The following PTPRR variants were observed in gnomAD, a reference collection of about 807,000 sequenced individuals.
The protein encoded by PTPRR is protein tyrosine phosphatase receptor type R, also known as receptor-type tyrosine-protein phosphatase R.
A neutral mutation model predicts 77.2 loss-of-function variants in PTPRR; 38 were observed. The observed-to-expected ratio is 0.49, with a 90% CI of 0.38 to 0.65. The LOEUF (loss-of-function observed/expected upper bound fraction) is 0.65. PTPRR is among the 30% of genes least tolerant of loss of function. The pLI is 0.00. For missense variants in PTPRR, 744 were observed against 799.2 expected (o/e 0.93, Z 0.83); for synonymous variants, 299 against 283.1 (o/e 1.06, Z -0.57).
At chr12:70,882,404 G>A (rs544331113) in intron 2 of PTPRR, among the ~76,000 whole-genome samples, 4 of 152,086 alleles carry the variant, frequency 2.6e-5, no homozygotes, top group Non-Finnish European at 5.9e-5. Context: ...GCTTCCCAGA[G>A]GATATAGAAC....
chr12:70,763,702 A>C (rs1431472996), intron 3 of PTPRR, among the ~76,000 whole-genome samples: 2 of 152,206 alleles, frequency 1.3e-5, no homozygotes, highest in Admixed American at 1.3e-4. Context: ...GGCTGGGGGA[A>C]CATGGAGTCC....
intron 6 of PTPRR, among the ~76,000 whole-genome samples, chr12:70,724,513 GTTT>G (rs1164393740): frequency 6.6e-6 from 1 of 152,166 alleles, no homozygotes; most frequent in Admixed American, 6.6e-5. Flanking sequence ...TATTATTAAT[GTTT>G]TTTATTACTA....
At chr12:70,660,154 G>C (rs1333885777) in intron 12 of PTPRR, among the ~76,000 whole-genome samples, 1 of 147,060 alleles carries the variant, frequency 6.8e-6, no homozygotes, top group Non-Finnish European at 1.5e-5. Context: ...TCCAGCCTGG[G>C]TGATAGAGTG....
chr12:70,704,412 C>A (rs866006534), intron 6 of PTPRR, among the ~76,000 whole-genome samples: 5 of 151,654 alleles, frequency 3.3e-5, no homozygotes, highest in Admixed American at 6.6e-5. Flanking sequence ...CAGAGTGAGA[C>A]CCCATGTCAA....
intron 2 of PTPRR, among the ~76,000 whole-genome samples, chr12:70,771,939 G>T (rs1444072249): frequency 6.6e-6 from 1 of 151,996 alleles, no homozygotes; most frequent in Admixed American, 6.6e-5. Flanking sequence ...AGTTGTTTGG[G>T]CAAACACTCA....
intron 2 of PTPRR, among the ~76,000 whole-genome samples, chr12:70,817,985 G>T (rs946745357): frequency 6.6e-6 from 1 of 152,120 alleles, no homozygotes; most frequent in African/African-American, 2.4e-5. Flanking sequence ...AGGCCGAGGA[G>T]GTCGGATCAT....
chr12:70,696,579 T>C (rs1888240671), intron 8 of PTPRR, among the ~76,000 whole-genome samples: 1 of 152,212 alleles, frequency 6.6e-6, no homozygotes, highest in African/African-American at 2.4e-5. Context: ...GTCATTGTCA[T>C]GCACAGCAAC....
chr12:70,811,936 C>T (rs1891815242), intron 2 of PTPRR, among the ~76,000 whole-genome samples: 1 of 152,196 alleles, frequency 6.6e-6, no homozygotes, highest in Non-Finnish European at 1.5e-5. Flanking sequence ...TCATCTAGCA[C>T]TGACTGATAG....
intron 2 of PTPRR, among the ~76,000 whole-genome samples, chr12:70,794,968 G>T (rs987202599): frequency 6.6e-6 from 1 of 151,906 alleles, no homozygotes; most frequent in African/African-American, 2.4e-5. Flanking sequence ...GAGATTCAGG[G>T]TGGGACAGTT....
chr12:70,663,135 T>C (rs1886856279), intron 10 of PTPRR, among the ~76,000 whole-genome samples: 1 of 152,236 alleles, frequency 6.6e-6, no homozygotes, highest in Non-Finnish European at 1.5e-5. Context: ...ATAATGATCA[T>C]TAATACAACT....
intron 2 of PTPRR, among the ~76,000 whole-genome samples, chr12:70,844,153 G>A (rs1892445551): frequency 6.6e-6 from 1 of 152,056 alleles, no homozygotes; most frequent in Non-Finnish European, 1.5e-5. Flanking sequence ...TAAGACAATT[G>A]TAATAGACTA....
intron 2 of PTPRR, among the ~76,000 whole-genome samples, chr12:70,877,031 T>TGTGAGATCCAAAGTTCAAAGTCAAAACTA (rs1893063372): frequency 6.6e-6 from 1 of 152,198 alleles, no homozygotes; most frequent in Non-Finnish European, 1.5e-5. Context: ...GTGGGCTGGC[T>TGTGAGATCCAAAGTTCAAAGTCAAAACTA]GTGAGATCCA....
chr12:70,717,060 A>G (rs1469255261), intron 6 of PTPRR, among the ~76,000 whole-genome samples: 4 of 152,222 alleles, frequency 2.6e-5, no homozygotes, highest in Non-Finnish European at 5.9e-5. Context: ...CTTTTAAACA[A>G]CGGCTACAAG....
In PTPRR at chr12:70,727,054, C is replaced by G. The variant is rs111491728; in HGVS notation, c.1007+18764G>C. Among the ~76,000 whole-genome samples, 1,032 of 152,164 alleles carry G rather than the reference C, an allele frequency of 6.8e-3. 14 individuals are homozygous for G. The highest frequency in any genetic ancestry group is 0.024 in the African/African-American group (976 of 41,524). ...GTTAAAATTCCTATCTAGTATTAAA[C>G]ATAAGTCACATATTCATTATTGTGT... On this transcript the variant is annotated intron_variant, in intron 6 of 13. Coordinates refer to ENST00000283228, the MANE Select transcript of PTPRR (RefSeq NM_002849.4).
chr12:70,694,825 A>G (rs1214283450), intron 8 of PTPRR, among the ~76,000 whole-genome samples: 1 of 152,098 alleles, frequency 6.6e-6, no homozygotes, highest in Non-Finnish European at 1.5e-5. Context: ...AAAAATTTAA[A>G]CTTATTATTA....
At chr12:70,884,246 T>C (rs1893198399) in intron 2 of PTPRR, among the ~76,000 whole-genome samples, 1 of 152,176 alleles carries the variant, frequency 6.6e-6, no homozygotes, top group Non-Finnish European at 1.5e-5. Flanking sequence ...ATCCCATCAC[T>C]CAGGAGCAGG....
intron 2 of PTPRR, among the ~76,000 whole-genome samples, chr12:70,866,911 A>G (rs923182119): frequency 9.2e-5 from 14 of 152,104 alleles, no homozygotes; most frequent in East Asian, 7.7e-4. Context: ...ACAGCATATA[A>G]ACAGAACCAA....
intron 2 of PTPRR, among the ~76,000 whole-genome samples, chr12:70,773,512 G>C (rs1891025199): frequency 6.6e-6 from 1 of 152,276 alleles, no homozygotes; most frequent in East Asian, 1.9e-4. Flanking sequence ...TGTTTGGGAG[G>C]CTGGGAAGGT....
intron 6 of PTPRR, among the ~76,000 whole-genome samples, chr12:70,709,650 T>C (rs911569977): frequency 1.3e-5 from 2 of 151,972 alleles, no homozygotes; most frequent in Non-Finnish European, 2.9e-5. Flanking sequence ...GGATACAAAA[T>C]CAATGTGCAA....
Sources: allele counts gnomAD v4.1 joint callset (sites outside exome capture counted in the v4.1 genomes callset), GRCh38; gene constraint gnomAD v4.1.1; transcripts MANE v1.5; gene names NCBI Gene and HGNC (gene_info 2026-07-23, HGNC 2026-07-21).